PDE3B: variants seen among roughly 807,000 people sequenced by gnomAD.
PDE3B encodes phosphodiesterase 3B.
A neutral mutation model predicts 116.8 loss-of-function variants in PDE3B; 66 were observed. That is an observed-to-expected ratio of 0.56 (90% CI 0.46 to 0.69). The LOEUF (loss-of-function observed/expected upper bound fraction) is 0.69. Ranked by LOEUF, PDE3B falls within the 30% of genes least tolerant of loss-of-function variation. The pLI, the probability that PDE3B is intolerant of heterozygous loss-of-function variation, is 0.00. For missense variants in PDE3B, 1,384 were observed against 1,368.1 expected (o/e 1.01, Z -0.18); for synonymous variants, 595 against 533.6 (o/e 1.12, Z -1.59).
intron 1 of PDE3B, among the ~76,000 whole-genome samples, chr11:14,649,562 G>T (rs1447058222): frequency 6.6e-6 from 1 of 152,082 alleles, no homozygotes; most frequent in Non-Finnish European, 1.5e-5. Flanking sequence ...ACTTAATTTT[G>T]CCAGGTATCT....
chr11:14,663,290 A>C (rs985062698), intron 1 of PDE3B, among the ~76,000 whole-genome samples: 31 of 152,260 alleles, frequency 2.0e-4, no homozygotes, highest in South Asian at 4.1e-4. Flanking sequence ...GCCTGCCCTA[A>C]AAGAGCTCCT....
chr11:14,882,966 C>T, the PDE3B span, among the ~76,000 whole-genome samples: 1 of 152,094 alleles, frequency 6.6e-6, no homozygotes, highest in Non-Finnish European at 1.5e-5. Flanking sequence ...CCTAGGAATC[C>T]AACTTACAAG....
chr11:14,893,398 G>A, the PDE3B span, among the ~76,000 whole-genome samples: 2 of 152,310 alleles, frequency 1.3e-5, no homozygotes, highest in South Asian at 4.1e-4. Context: ...CTAAAGAAGT[G>A]TATTTGTTTC....
chr11:14,653,639 C>A (rs773249124), intron 1 of PDE3B, among the ~76,000 whole-genome samples: 1 of 151,542 alleles, frequency 6.6e-6, no homozygotes, highest in Non-Finnish European at 1.5e-5. Context: ...TATAAAAACA[C>A]GTTTATTATG....
chr11:14,765,855 A>G (rs745515943), intron 1 of PDE3B, among the ~76,000 whole-genome samples: 3 of 150,380 alleles, frequency 2.0e-5, no homozygotes, highest in Non-Finnish European at 4.4e-5. Context: ...TCTTATATTT[A>G]AGTTATTTAC....
chr11:14,860,459 A>T (rs1282004412), intron 13 of PDE3B, among the ~76,000 whole-genome samples: 1 of 151,960 alleles, frequency 6.6e-6, no homozygotes, highest in African/African-American at 2.4e-5. Flanking sequence ...CATTCTTTTC[A>T]TTTTTTACAA....
At chr11:14,784,023 G>C (rs944673142) in intron 2 of PDE3B, among the ~76,000 whole-genome samples, 6 of 152,152 alleles carry the variant, frequency 3.9e-5, no homozygotes, top group African/African-American at 1.4e-4. Flanking sequence ...AAATCCTATG[G>C]TGAACTGCAC....
At chr11:14,652,978 A>G (rs1050470959) in intron 1 of PDE3B, among the ~76,000 whole-genome samples, 1 of 152,232 alleles carries the variant, frequency 6.6e-6, no homozygotes. Context: ...TTTTCAGTGT[A>G]TGAGTCTTTC....
chr11:14,658,851 G>T (rs1853799419), intron 1 of PDE3B, among the ~76,000 whole-genome samples: 1 of 152,056 alleles, frequency 6.6e-6, no homozygotes, highest in Non-Finnish European at 1.5e-5. Context: ...TACATTTTAT[G>T]TCCTTTAAAT....
chr11:14,685,967 T>A (rs546448306), intron 1 of PDE3B, among the ~76,000 whole-genome samples: 4 of 152,272 alleles, frequency 2.6e-5, no homozygotes, highest in African/African-American at 9.6e-5. Flanking sequence ...AGGTAAGCCC[T>A]TTTATGGTTG....
chr11:14,892,354 G>A, the PDE3B span: 4 of 726,888 alleles, frequency 5.5e-6, no homozygotes, highest in Non-Finnish European at 9.1e-6. Context: ...AGGCCCCTTC[G>A]GGACAACTAC....
At chr11:14,669,455 C>G (rs118061164) in intron 1 of PDE3B, among the ~76,000 whole-genome samples, 2,782 of 152,172 alleles carry the variant, frequency 0.018, 36 homozygotes, top group Non-Finnish European at 0.032. Flanking sequence ...ATGAAATATT[C>G]GTAACACTAC....
chr11:14,831,334 A>G (rs1357971021), intron 8 of PDE3B, among the ~76,000 whole-genome samples: 2 of 151,722 alleles, frequency 1.3e-5, no homozygotes, highest in African/African-American at 2.4e-5. Flanking sequence ...TGATACCTGT[A>G]ACTACTAAAA....
At chr11:14,675,772 A>G (rs571907716) in intron 1 of PDE3B, among the ~76,000 whole-genome samples, 84 of 152,192 alleles carry the variant, frequency 5.5e-4, no homozygotes, top group African/African-American at 1.9e-3. Context: ...TTCTGTCACA[A>G]TTTGTTTATA....
At chr11:14,846,799 A>G (rs537705752) in intron 12 of PDE3B, among the ~76,000 whole-genome samples, 1 of 152,296 alleles carries the variant, frequency 6.6e-6, no homozygotes, top group Non-Finnish European at 1.5e-5. Flanking sequence ...ACTATCCTAA[A>G]TATATATGCA....
At chr11:14,860,322 A>C (rs1555006892) in intron 13 of PDE3B, among the ~76,000 whole-genome samples, 1 of 151,652 alleles carries the variant, frequency 6.6e-6, no homozygotes, top group African/African-American at 2.4e-5. Context: ...ATTAAGTTTC[A>C]ATCAAAAGAG....
At chr11:14,773,056 G>GA (rs1857690645) in intron 2 of PDE3B, 1 of 151,828 alleles carries the variant, frequency 6.6e-6, no homozygotes, top group Non-Finnish European at 1.5e-5. Flanking sequence ...TGAACTCAGG[G>GA]AAAAAATGTT....
intron 7 of PDE3B, among the ~76,000 whole-genome samples, chr11:14,828,120 T>A (rs1189491296): frequency 6.6e-6 from 1 of 152,190 alleles, no homozygotes; most frequent in East Asian, 1.9e-4. Flanking sequence ...TAGCCATATG[T>A]AGAAGATTAA....
At chr11:14,879,009 T>A in the PDE3B span, 1 of 907,348 alleles carries the variant, frequency 1.1e-6, no homozygotes, top group East Asian at 2.5e-5. Flanking sequence ...TTTTTAGAAT[T>A]GGGATATTTA....
Sources: allele counts gnomAD v4.1 joint callset (sites outside exome capture counted in the v4.1 genomes callset), GRCh38; gene constraint gnomAD v4.1.1; transcripts MANE v1.5; gene names NCBI Gene and HGNC (gene_info 2026-07-23, HGNC 2026-07-21).